Variants in FHIT observed in about 807,000 individuals in gnomAD.
The protein encoded by FHIT is fragile histidine triad diadenosine triphosphatase, also known as bis(5'-adenosyl)-triphosphatase.
In FHIT, 19 loss-of-function variants were observed where a neutral mutation model predicts 17.9. That is an observed-to-expected ratio of 1.06 (90% CI 0.74 to 1.56). FHIT has a LOEUF of 1.56. Ranked by LOEUF, FHIT falls within the 40% of genes most tolerant of loss-of-function variation. The pLI, the probability that FHIT is intolerant of heterozygous loss-of-function variation, is 0.00. For synonymous variants in FHIT, 81 were observed against 69.7 expected (o/e 1.16, Z -0.81); for missense variants, 248 against 189.2 (o/e 1.31, Z -1.82).
intron 8 of FHIT, among the ~76,000 whole-genome samples, chr3:59,907,485 A>G (rs1172203339): frequency 6.6e-6 from 1 of 152,206 alleles, no homozygotes; most frequent in African/African-American, 2.4e-5. Flanking sequence ...AGGACACAGA[A>G]GAGTTCTAAC....
Position 60,338,266 on chromosome 3 carries a change from C to G in FHIT, c.103+198594G>C, listed in dbSNP as rs1045000166. On this transcript the variant is annotated intron_variant, in intron 5 of 9. Transcript: ENST00000492590. ...CCCGAAGACCTGTCCAATGCTATAACAGTGTATGATAAAGCATATATACCT... is the reference window on the plus strand; with the variant it reads ...CCCGAAGACCTGTCCAATGCTATAAGAGTGTATGATAAAGCATATATACCT... Among the ~76,000 whole-genome samples, 20 of 152,200 alleles carry G rather than the reference C, an allele frequency of 1.3e-4. 1 individual carries two copies. Among genetic ancestry groups the G allele is most frequent in the Admixed American group, 9.2e-4 (14 of 15,280 alleles).
intron 2 of FHIT, among the ~76,000 whole-genome samples, chr3:61,092,897 C>T (rs1381975715): frequency 6.6e-6 from 1 of 152,172 alleles, no homozygotes; most frequent in Non-Finnish European, 1.5e-5. Flanking sequence ...TTAAAATTTT[C>T]TTCCAGCTTA....
rs961372926 is a variant in FHIT, at chr3:60,206,152, T to A, written c.104-192000A>T. 6.4e-4 allele frequency among the ~76,000 whole-genome samples: 88 copies of A among 138,032 alleles called. 1 individual carries two copies. Among genetic ancestry groups the A allele is most frequent in the South Asian group, 2.5e-3 (11 of 4,414 alleles). 90.6% of individuals were successfully genotyped at this position (138,032 alleles called of 152,430 possible). A position where few individuals can be genotyped will look rare whatever the true frequency, so the allele number is the denominator to read the frequency against. On this transcript the variant is annotated intron_variant, in intron 5 of 9. Transcript: ENST00000492590. ...CGTCTCAAAAAAAAAAAAAAATAAA[T>A]AATAATAATAATAATAATAATTATA... is the stretch of plus-strand genomic sequence containing the variant.
chr3:60,471,446 C>T (rs937747118), intron 5 of FHIT, among the ~76,000 whole-genome samples: 5 of 152,168 alleles, frequency 3.3e-5, no homozygotes, highest in African/African-American at 1.2e-4. Context: ...TCCTTGGGAA[C>T]CTGCTGAGTT....
At chr3:59,968,467 GAA>G (rs11410877) in intron 7 of FHIT, among the ~76,000 whole-genome samples, 6 of 149,052 alleles carry the variant, frequency 4.0e-5, no homozygotes, top group Middle Eastern at 3.4e-3. Flanking sequence ...ACACAAAAAG[GAA>G]AAAAAAAATA....
At chr3:59,888,262 T>C (rs548896911) in intron 8 of FHIT, among the ~76,000 whole-genome samples, 3 of 152,348 alleles carry the variant, frequency 2.0e-5, no homozygotes, top group African/African-American at 7.2e-5. Context: ...TTAACTGTGA[T>C]CTATAATTTT....
chr3:60,097,931 T>C (rs1373542357), intron 5 of FHIT, among the ~76,000 whole-genome samples: 3 of 147,710 alleles, frequency 2.0e-5, no homozygotes, highest in Non-Finnish European at 4.5e-5. Flanking sequence ...GTTCTCATTG[T>C]TCAATTCCCA....
chr3:60,329,199 G>A (rs1279192982), intron 5 of FHIT, among the ~76,000 whole-genome samples: 1 of 152,118 alleles, frequency 6.6e-6, no homozygotes, highest in Admixed American at 6.5e-5. Flanking sequence ...TTATACAAGA[G>A]ATTTTCTACT....
chr3:59,985,069 T>A (rs1415788201), intron 7 of FHIT, among the ~76,000 whole-genome samples: 1 of 152,048 alleles, frequency 6.6e-6, no homozygotes, highest in South Asian at 2.1e-4. Context: ...TAGGAAACTC[T>A]TCAGGGACAT....
intron 3 of FHIT, among the ~76,000 whole-genome samples, chr3:60,868,206 T>C (rs1016408164): frequency 1.3e-5 from 2 of 152,206 alleles, no homozygotes; most frequent in Admixed American, 1.3e-4. Context: ...CCCTCTGTTT[T>C]CTTTTTCTTT....
intron 2 of FHIT, among the ~76,000 whole-genome samples, chr3:61,124,321 G>A (rs1236850766): frequency 6.6e-6 from 1 of 152,106 alleles, no homozygotes; most frequent in East Asian, 1.9e-4. Context: ...CAGGCAGAGA[G>A]GCTTTCTTTG....
intron 7 of FHIT, among the ~76,000 whole-genome samples, chr3:59,979,359 T>C (rs1708550300): frequency 1.3e-5 from 2 of 152,286 alleles, no homozygotes; most frequent in South Asian, 4.1e-4. Context: ...CCCTCATTGC[T>C]TTCTTATCAC....
chr3:61,031,156 T>G (rs1461776956), intron 3 of FHIT, among the ~76,000 whole-genome samples: 1 of 152,244 alleles, frequency 6.6e-6, no homozygotes, highest in Non-Finnish European at 1.5e-5. Context: ...CAAGGTCATG[T>G]TCAGATGTAG....
At position 59,754,450 on chromosome 3, in the gene FHIT, C is replaced by G. The variant is rs578114471; in HGVS notation, c.349-2129G>C. ...CAAACGGGATTGCTATTCTTCTACT[C>G]AAGAACTAATTTTCATTTTGATACT... On this transcript the variant is annotated intron_variant, in intron 8 of 9. Transcript: ENST00000492590. Among the ~76,000 whole-genome samples the G allele has an allele frequency of 7.8e-4, 119 of 152,306 alleles. 3 individuals are homozygous for G. In the South Asian group the frequency reaches 0.023, roughly 30 times the overall value.
chr3:60,652,727 C>CAAAAAAA (rs782637479), intron 4 of FHIT, among the ~76,000 whole-genome samples: 1 of 58,994 alleles, frequency 1.7e-5, no homozygotes, highest in East Asian at 5.1e-4. Flanking sequence ...GACTCCATCT[C>CAAAAAAA]AAAAAAAAAA....
At chr3:60,358,849 C>T (rs1699781952) in intron 5 of FHIT, among the ~76,000 whole-genome samples, 1 of 152,114 alleles carries the variant, frequency 6.6e-6, no homozygotes, top group Non-Finnish European at 1.5e-5. Context: ...CTGTCTTCAT[C>T]TATAAAATGG....
intron 5 of FHIT, among the ~76,000 whole-genome samples, chr3:60,034,716 A>C (rs1207597561): frequency 1.3e-5 from 2 of 152,212 alleles, no homozygotes; most frequent in Admixed American, 1.3e-4. Context: ...CTTCTGGTCA[A>C]AGTAGTAAAA....
chr3:60,814,215 T>G (rs1390221666), intron 4 of FHIT, among the ~76,000 whole-genome samples: 2 of 152,160 alleles, frequency 1.3e-5, no homozygotes, highest in African/African-American at 4.8e-5. Context: ...TTTTCAACTT[T>G]CATTTTAGAT....
At chr3:60,557,451 G>C (rs1559537646) in intron 4 of FHIT, among the ~76,000 whole-genome samples, 1 of 151,968 alleles carries the variant, frequency 6.6e-6, no homozygotes, top group African/African-American at 2.4e-5. Context: ...ATTTTCAAGT[G>C]CACAATCACT....
Sources: allele counts gnomAD v4.1 joint callset (sites outside exome capture counted in the v4.1 genomes callset), GRCh38; gene constraint gnomAD v4.1.1; transcripts MANE v1.5; gene names NCBI Gene and HGNC (gene_info 2026-07-23, HGNC 2026-07-21).